The following AP3D1 variants were observed in gnomAD, a reference collection of about 807,000 sequenced individuals.
The protein encoded by AP3D1 is AP-3 complex subunit delta-1.
AP3D1 carries 51 observed loss-of-function variants against 147.6 expected under a neutral mutation model. That is an observed-to-expected ratio of 0.35 (90% CI 0.28 to 0.44). AP3D1 has a LOEUF of 0.44. Ranked by LOEUF, AP3D1 falls within the 20% of genes least tolerant of loss-of-function variation. AP3D1 has a pLI of 1.00. For synonymous variants in AP3D1, 760 were observed against 663.0 expected (o/e 1.15, Z -2.25); for missense variants, 1,421 against 1,624.2 (o/e 0.87, Z 2.15).
chr19:2,138,484 G>A, intron 2 of AP3D1, 135 bp downstream of exon 2: 1 of 701,696 alleles, frequency 1.4e-6, no homozygotes, highest in African/African-American at 1.7e-5. Flanking sequence ...ACTCTGGGTT[G>A]GCCCTGAGTG....
chr19:2,114,321 G>T lies in AP3D1; in HGVS notation c.2424-19C>A, dbSNP rs1395909173. ...TAAGGGCCTGGAGGAGGAATGACCGGGCCACACATCAGCACCACTGGCCAC... is the reference window on the plus strand; with the variant it reads ...TAAGGGCCTGGAGGAGGAATGACCGTGCCACACATCAGCACCACTGGCCAC... On this transcript the variant is annotated intron_variant, in intron 21 of 31. Transcript: ENST00000643116. 3 of 1,604,060 alleles carry T rather than the reference G, an allele frequency of 1.9e-6. No homozygotes were observed. Among genetic ancestry groups the T allele is most frequent in the South Asian group, 2.2e-5 (2 of 90,768 alleles).
rs772076862 is a variant in AP3D1, at chr19:2,121,306, G to C, written c.1107C>G (p.Ser369=). The change falls in exon 13 of 32, where the codon TCC becomes TCG. Residue 369 remains serine (S), a synonymous_variant. Transcript: ENST00000643116. ...TCACGATCTCCATCAGGTTCTTCTT[G>C]GACACCTGGGCAAAAGTGTACAGAC... ...RALDLLYGMV[S]KKNLMEIVKK... The C allele has an allele frequency of 6.2e-7, 1 of 1,614,068 alleles. No homozygotes were observed. Among genetic ancestry groups the C allele is most frequent in the Non-Finnish European group, 8.5e-7 (1 of 1,180,006 alleles).
intron 15 of AP3D1, 127 bp from the exon 16 acceptor site, chr19:2,117,494 C>T (rs2018491505): frequency 2.0e-6 from 2 of 1,025,336 alleles, no homozygotes; most frequent in East Asian, 2.9e-5. Context: ...CACATAGCCA[C>T]AGAGAGCCCA....
chr19:2,125,886 C>T (rs994103811), intron 9 of AP3D1, among the ~76,000 whole-genome samples: 6 of 151,472 alleles, frequency 4.0e-5, no homozygotes, highest in Non-Finnish European at 8.8e-5. Flanking sequence ...GTAACTCAGG[C>T]CTGTAATCCC....
intron 4 of AP3D1, among the ~76,000 whole-genome samples, chr19:2,134,303 C>A (rs1157105156): frequency 6.6e-6 from 1 of 151,794 alleles, no homozygotes; most frequent in Non-Finnish European, 1.5e-5. Context: ...TGCCTGCAGT[C>A]CCAGCTACTC....
Position 2,120,961 on chromosome 19 carries a change from G to A in AP3D1, c.1382C>T (p.Ala461Val), listed in dbSNP as rs374029882. Residue 461 changes from alanine (A) to valine (V), a missense_variant, in exon 14 of 32, where the codon GCG becomes GTG. Transcript: ENST00000643116. ...IRKFAVSQMS[A>V]LLDSAHLLAS... ...CAGCAGGTGTGCACTGTCAAGCAGC[G>A]CAGACATCTGGGACACGGCGAACTT... 1.4e-5 allele frequency: 22 copies of A among 1,611,998 alleles called. No homozygotes were observed. The highest frequency in any genetic ancestry group is 3.3e-4 in the Middle Eastern group (2 of 6,084).
chr19:2,149,331 G>A (rs577363518), intron 1 of AP3D1, among the ~76,000 whole-genome samples: 11 of 152,274 alleles, frequency 7.2e-5, no homozygotes, highest in South Asian at 4.1e-4. Context: ...GGATCACTGA[G>A]GTCAGGAGTT....
chr19:2,145,919 G>C (rs564667462), intron 1 of AP3D1, among the ~76,000 whole-genome samples: 42 of 152,370 alleles, frequency 2.8e-4, no homozygotes, highest in African/African-American at 9.6e-4. Context: ...CTCATAAGCA[G>C]GGCAGCTGAC....
chr19:2,132,596 G>T lies in AP3D1; in HGVS notation c.355-18C>A. 6.3e-7 allele frequency: 1 copy of T among 1,593,442 alleles called. No homozygotes were observed. The highest frequency in any genetic ancestry group is 1.1e-5 in the South Asian group (1 of 90,528). ...CTCAAGTCCTGGAAAGTGAGAGAAA[G>T]GGGCCGTGGCCAGGATGCCCTGGGT... On this transcript the variant is annotated intron_variant, in intron 4 of 31. Coordinates refer to ENST00000643116, the MANE Select transcript of AP3D1 (RefSeq NM_001261826.3).
At chr19:2,141,873 G>A (rs965339945) in intron 1 of AP3D1, among the ~76,000 whole-genome samples, 11 of 151,502 alleles carry the variant, frequency 7.3e-5, no homozygotes, top group African/African-American at 2.7e-4. Flanking sequence ...TGGGAGTACA[G>A]TAAATAGCTG....
chr19:2,107,827 G>T (rs2018155466), intron 31 of AP3D1, among the ~76,000 whole-genome samples: 1 of 152,064 alleles, frequency 6.6e-6, no homozygotes, highest in Admixed American at 6.5e-5. Context: ...CATCAGAACG[G>T]AAAGTGACCC....
intron 9 of AP3D1, among the ~76,000 whole-genome samples, chr19:2,124,538 T>C (rs982099456): frequency 6.6e-6 from 1 of 152,170 alleles, no homozygotes; most frequent in African/African-American, 2.4e-5. Flanking sequence ...ACCAAGCCAG[T>C]GGCATGGAAT....
In AP3D1 at chr19:2,115,527, G is replaced by T; in HGVS notation, c.2149+11C>A. 6.2e-7 allele frequency: 1 copy of T among 1,612,840 alleles called. No homozygotes were observed. The highest frequency in any genetic ancestry group is 8.5e-7 in the Non-Finnish European group (1 of 1,179,604). ...TGACAAATGCGGCGCCGACACACCG[G>T]AGACACTTGCCTGGAACCTTCAAGG... On this transcript the variant is annotated intron_variant, in intron 19 of 31. Coordinates refer to ENST00000643116, the MANE Select transcript of AP3D1 (RefSeq NM_001261826.3).
At position 2,121,857 on chromosome 19, in the gene AP3D1, T is replaced by C. The variant is rs756902730; in HGVS notation, c.978A>G (p.Ala326=). The C allele has an allele frequency of 8.7e-6, 14 of 1,608,148 alleles. 1 individual carries two copies. In the South Asian group the frequency reaches 1.5e-4, roughly 18 times the overall value. ...DQNLKYLGLL[A]MSKILKTHPK... is the part of the protein sequence containing the mutation. Reference sequence around the variant, plus strand: ...GGTGGGTCTTCAGGATCTTGGACATTGCCAGCAGCCCCAGGTACTTCACTG... The same window carrying C: ...GGTGGGTCTTCAGGATCTTGGACATCGCCAGCAGCCCCAGGTACTTCACTG... Residue 326 remains alanine (A), a synonymous_variant, in exon 12 of 32, where the codon GCA becomes GCG. Coordinates refer to ENST00000643116, the MANE Select transcript of AP3D1 (RefSeq NM_001261826.3).
At chr19:2,158,913 A>C (rs1021657858) in intron 1 of AP3D1, among the ~76,000 whole-genome samples, 4 of 152,224 alleles carry the variant, frequency 2.6e-5, no homozygotes, top group African/African-American at 9.6e-5. Flanking sequence ...GCCTGAGCCC[A>C]GGAATGAACA....
chr19:2,118,315 C>G lies in AP3D1; in HGVS notation c.1713+286G>C, dbSNP rs762375689. Among the ~76,000 whole-genome samples, 66 of 152,196 alleles carry G rather than the reference C, an allele frequency of 4.3e-4. 1 individual carries two copies. The highest frequency in any genetic ancestry group is 8.5e-4 in the Non-Finnish European group (58 of 68,044). ...TGCCAGCCCCAGGCTCTCACACCTG[C>G]TGTCTCGCCGCATGTGAAACAACCT... On this transcript the variant is annotated intron_variant, in intron 15 of 31. Transcript: ENST00000643116.
At position 2,125,599 on chromosome 19, in the gene AP3D1, G is replaced by A. The variant is rs113993542; in HGVS notation, c.856+1553C>T. ...CTCCCAAAGTGCTGGGATTACAGGCGTGAGCCACCACGCCCGGCCAGGAGT... is the reference window on the plus strand; with the variant it reads ...CTCCCAAAGTGCTGGGATTACAGGCATGAGCCACCACGCCCGGCCAGGAGT... On this transcript the variant is annotated intron_variant, in intron 9 of 31. Coordinates refer to ENST00000643116, the MANE Select transcript of AP3D1 (RefSeq NM_001261826.3). Among the ~76,000 whole-genome samples, 973 of 152,202 alleles carry A rather than the reference G, an allele frequency of 6.4e-3. 10 individuals carry two copies. Among genetic ancestry groups the A allele is most frequent in the African/African-American group, 0.022 (902 of 41,540 alleles).
chr19:2,111,880 C>T, intron 24 of AP3D1, 52 bp from the exon 25 acceptor site: 1 of 1,608,480 alleles, frequency 6.2e-7, no homozygotes, highest in Non-Finnish European at 8.5e-7. Flanking sequence ...CAGCACGCCC[C>T]CATCACAGTG....
At chr19:2,137,187 C>G in intron 3 of AP3D1, 96 bp from the exon 4 acceptor site, 1 of 1,119,674 alleles carries the variant, frequency 8.9e-7, no homozygotes. Context: ...GCAGCGCCAG[C>G]CCAGAAGCAA....
Sources: allele counts gnomAD v4.1 joint callset (sites outside exome capture counted in the v4.1 genomes callset), GRCh38; gene constraint gnomAD v4.1.1; transcripts MANE v1.5; gene names NCBI Gene and HGNC (gene_info 2026-07-23, HGNC 2026-07-21).